RBFOX1: variants seen among roughly 807,000 people sequenced by gnomAD.
RBFOX1 encodes the protein RNA binding fox-1 homolog 1, also known as RNA binding protein fox-1 homolog 1.
RBFOX1 carries 8 observed loss-of-function variants against 57.7 expected under a neutral mutation model. The observed-to-expected ratio is 0.14, with a 90% CI of 0.08 to 0.25. RBFOX1 has a LOEUF of 0.25. RBFOX1 is among the 10% of genes least tolerant of loss of function. The pLI, the probability that RBFOX1 is intolerant of heterozygous loss-of-function variation, is 1.00. For synonymous variants in RBFOX1, 326 were observed against 222.4 expected, an observed-to-expected ratio of 1.47 and a Z score of -4.15; for missense variants, 611 against 548.5, an observed-to-expected ratio of 1.11 and a Z score of -1.14.
intron 3 of RBFOX1, among the ~76,000 whole-genome samples, chr16:5,838,816 G>A (rs951009397): frequency 6.6e-6 from 1 of 152,202 alleles, no homozygotes; most frequent in Non-Finnish European, 1.5e-5. Flanking sequence ...TACAGTTAAC[G>A]TGAACTAAGC....
chr16:6,346,346 T>C (rs1229392058), intron 2 of RBFOX1, among the ~76,000 whole-genome samples: 3 of 152,220 alleles, frequency 2.0e-5, no homozygotes, highest in Admixed American at 1.3e-4. Flanking sequence ...GAGTCCTTAG[T>C]TAACAAACTA....
rs1038875369 is a variant in RBFOX1, at chr16:7,134,039, A to G, written c.27+81941A>G. 7.9e-5 allele frequency among the ~76,000 whole-genome samples: 12 copies of G among 152,358 alleles called. No homozygotes were observed. The East Asian group carries it at 1.2e-3, about 15-fold the overall frequency. On this transcript the variant is annotated intron_variant, in intron 4 of 15. Coordinates refer to ENST00000550418, the MANE Select transcript of RBFOX1 (RefSeq NM_018723.4). ...TGTGATACTGTGCTTCAGTAAATTT[A>G]ATACGTGGGCCTCAGTAATGGAGGG...
At chr16:7,543,667 CTG>C (rs71150310) in intron 5 of RBFOX1, among the ~76,000 whole-genome samples, 2,902 of 141,370 alleles carry the variant, frequency 0.021, 37 homozygotes, top group East Asian at 0.055. Context: ...TGGGCAGTAT[CTG>C]TGTGTGTGTG....
At chr16:7,026,944 C>G (rs972539423) in intron 3 of RBFOX1, among the ~76,000 whole-genome samples, 2 of 152,154 alleles carry the variant, frequency 1.3e-5, no homozygotes, top group African/African-American at 4.8e-5. Flanking sequence ...AGGAAGGCTG[C>G]AAAGTGCTTG....
chr16:6,589,678 G>C (rs904098661), intron 2 of RBFOX1, among the ~76,000 whole-genome samples: 3 of 152,236 alleles, frequency 2.0e-5, no homozygotes, highest in Non-Finnish European at 4.4e-5. Context: ...TCATTTGTTA[G>C]TCCTGCAAAG....
chr16:5,806,741 A>G (rs1368496495), intron 3 of RBFOX1, among the ~76,000 whole-genome samples: 2 of 152,218 alleles, frequency 1.3e-5, no homozygotes, highest in Admixed American at 6.5e-5. Flanking sequence ...CAAACCTGGT[A>G]ATGCCCCGGG....
At chr16:7,442,084 A>G (rs1409187219) in intron 4 of RBFOX1, among the ~76,000 whole-genome samples, 1 of 152,192 alleles carries the variant, frequency 6.6e-6, no homozygotes, top group African/African-American at 2.4e-5. Context: ...TGAATCCATT[A>G]GGCAGGCTGT....
At chr16:7,481,608 A>G (rs2063954066) in intron 4 of RBFOX1, among the ~76,000 whole-genome samples, 1 of 152,220 alleles carries the variant, frequency 6.6e-6, no homozygotes, top group South Asian at 2.1e-4. Flanking sequence ...GCAGATAACT[A>G]CAGCAAATAA....
intron 2 of RBFOX1, among the ~76,000 whole-genome samples, chr16:6,593,252 G>T (rs747860391): frequency 6.6e-6 from 1 of 152,100 alleles, no homozygotes; most frequent in Admixed American, 6.5e-5. Context: ...ATCTCTCTCT[G>T]CCCTACTGGA....
intron 4 of RBFOX1, among the ~76,000 whole-genome samples, chr16:5,959,618 A>G (rs569880878): frequency 1.3e-5 from 2 of 152,352 alleles, no homozygotes; most frequent in Admixed American, 6.5e-5. Context: ...CAAAAATACA[A>G]CTGAGTTTGG....
chr16:5,478,473 A>T (rs1365114816), intron 2 of RBFOX1, among the ~76,000 whole-genome samples: 1 of 152,210 alleles, frequency 6.6e-6, no homozygotes, highest in African/African-American at 2.4e-5. Context: ...AGCCCCTTGC[A>T]AGAAATGCAT....
At chr16:6,664,221 G>T (rs528988575) in intron 3 of RBFOX1, among the ~76,000 whole-genome samples, 1 of 152,086 alleles carries the variant, frequency 6.6e-6, no homozygotes, top group Non-Finnish European at 1.5e-5. Flanking sequence ...TTGCTGTGTC[G>T]CTTGGCTTTT....
In RBFOX1 at chr16:6,613,040, TGTGA is replaced by T. The variant is rs1435756160; in HGVS notation, c.-63-41559_-63-41556del. ...GTGTGTGTGTGTGTGTGTGTGTGTG[TGTGA>T]GTGTGTGTGTGTGTTTTGGAATTCA... On this transcript the variant is annotated intron_variant, in intron 2 of 15. Coordinates refer to ENST00000550418, the MANE Select transcript of RBFOX1 (RefSeq NM_018723.4). 2.8e-3 allele frequency among the ~76,000 whole-genome samples: 414 copies of T among 146,388 alleles called. 4 individuals are homozygous for T. The highest frequency in any genetic ancestry group is 9.5e-3 in the African/African-American group (379 of 39,854).
At chr16:6,955,101 C>A (rs187090093) in intron 3 of RBFOX1, among the ~76,000 whole-genome samples, 2 of 150,306 alleles carry the variant, frequency 1.3e-5, no homozygotes, top group Non-Finnish European at 3.0e-5. Context: ...ATTAGCTGGG[C>A]ATGGTGGATT....
intron 4 of RBFOX1, among the ~76,000 whole-genome samples, chr16:7,093,625 A>G (rs1024666114): frequency 6.6e-6 from 1 of 152,130 alleles, no homozygotes; most frequent in African/African-American, 2.4e-5. Flanking sequence ...AAGTTAATGA[A>G]TGGGAGCTCA....
At chr16:7,585,105 A>T (rs1214687118) in intron 6 of RBFOX1, among the ~76,000 whole-genome samples, 1 of 152,186 alleles carries the variant, frequency 6.6e-6, no homozygotes, top group Non-Finnish European at 1.5e-5. Context: ...CTGTAAATAT[A>T]TGTGCTTCTA....
At chr16:5,992,569 T>C (rs2060419452) in intron 4 of RBFOX1, among the ~76,000 whole-genome samples, 1 of 152,164 alleles carries the variant, frequency 6.6e-6, no homozygotes, top group Non-Finnish European at 1.5e-5. Context: ...TGCTTATGTG[T>C]GTGTTGGGGA....
chr16:6,960,110 G>T (rs1236932541), intron 3 of RBFOX1, among the ~76,000 whole-genome samples: 1 of 152,066 alleles, frequency 6.6e-6, no homozygotes, highest in Admixed American at 6.6e-5. Flanking sequence ...TGTATTGGGG[G>T]TCTGAAGAAA....
chr16:7,155,591 G>A (rs139968336), intron 4 of RBFOX1, among the ~76,000 whole-genome samples: 13 of 132,632 alleles, frequency 9.8e-5, no homozygotes, highest in African/African-American at 3.7e-4. Flanking sequence ...GTGAGCACTT[G>A]TCTGAAAAAA....
Sources: gnomAD v4.1 joint callset for allele counts (sites outside exome capture counted in the v4.1 genomes callset) on GRCh38, gnomAD v4.1.1 for gene constraint, MANE v1.5 for transcripts, NCBI Gene and HGNC (gene_info 2026-07-23, HGNC 2026-07-21) for gene names.